Variants in RNF150 observed in about 807,000 individuals in gnomAD.
RNF150 encodes ring finger protein 150.
Under a neutral mutation model 39.3 loss-of-function variants are expected in RNF150, and 24 were observed. The observed-to-expected ratio is 0.61, with a 90% CI of 0.44 to 0.86. The LOEUF is 0.86. RNF150 is among the 40% of genes least tolerant of loss of function. The pLI is 0.00. For synonymous variants in RNF150, 255 were observed against 227.3 expected (o/e 1.12, Z -1.10); for missense variants, 502 against 587.8 (o/e 0.85, Z 1.51).
intron 1 of RNF150, among the ~76,000 whole-genome samples, chr4:141,114,778 CA>C (rs1739494947): frequency 6.6e-6 from 1 of 152,174 alleles, no homozygotes; most frequent in African/African-American, 2.4e-5. Context: ...AGCAGGACAT[CA>C]AAAAGCTTAC....
chr4:141,178,072 T>A (rs573420034), intron 1 of RNF150, among the ~76,000 whole-genome samples: 4 of 152,172 alleles, frequency 2.6e-5, no homozygotes, highest in Non-Finnish European at 4.4e-5. Context: ...AATCTCTAGA[T>A]TTCATTAAAC....
intron 1 of RNF150, among the ~76,000 whole-genome samples, chr4:141,166,236 C>T (rs1360151155): frequency 6.6e-6 from 1 of 152,164 alleles, no homozygotes; most frequent in African/African-American, 2.4e-5. Context: ...TACACCCTCT[C>T]AAGACTAAAC....
intron 6 of RNF150, 105 bp downstream of exon 6, chr4:140,911,039 G>T: frequency 1.2e-6 from 1 of 857,942 alleles, no homozygotes; most frequent in Non-Finnish European, 1.9e-6. Flanking sequence ...TAGCAATGAT[G>T]TACTCATTCA....
chr4:141,005,938 G>A lies in RNF150; in HGVS notation c.485-38065C>T, dbSNP rs370693150. On this transcript the variant is annotated intron_variant, in intron 1 of 6. Coordinates refer to ENST00000515673, the MANE Select transcript of RNF150 (RefSeq NM_020724.2). ...AAAAAAATTAGCCGGGCGTAGTGGCGGGCGCCTGTAGTCCCAGCTACTTGG... is the reference window on the plus strand; with the variant it reads ...AAAAAAATTAGCCGGGCGTAGTGGCAGGCGCCTGTAGTCCCAGCTACTTGG... Among the ~76,000 whole-genome samples, 8 of 146,132 alleles carry A rather than the reference G, an allele frequency of 5.5e-5. No homozygotes were observed. The East Asian group carries it at 9.8e-4, about 18-fold the overall frequency.
At chr4:140,880,564 G>T (rs1351609006) in intron 6 of RNF150, among the ~76,000 whole-genome samples, 8 of 150,626 alleles carry the variant, frequency 5.3e-5, no homozygotes, top group African/African-American at 2.0e-4. Flanking sequence ...TTTTTTGGAA[G>T]AGTTTGAGAA....
chr4:140,970,885 G>A (rs962652044), intron 1 of RNF150, among the ~76,000 whole-genome samples: 6 of 151,902 alleles, frequency 3.9e-5, no homozygotes, highest in Admixed American at 3.9e-4. Flanking sequence ...AGTTCATCAT[G>A]GTAAAAACAG....
intron 1 of RNF150, among the ~76,000 whole-genome samples, chr4:140,988,721 C>G (rs1283355018): frequency 1.3e-5 from 2 of 150,236 alleles, no homozygotes; most frequent in Non-Finnish European, 2.9e-5. Context: ...TATTGCAGCA[C>G]TACTCACTAT....
intron 5 of RNF150, among the ~76,000 whole-genome samples, chr4:140,918,081 A>G (rs1192312213): frequency 2.0e-5 from 3 of 152,160 alleles, no homozygotes; most frequent in African/African-American, 7.2e-5. Flanking sequence ...TGCCCACAAG[A>G]GAAAGCAGGC....
rs1403413692 is a variant in RNF150, at chr4:140,863,474, G to C, written c.*4787C>G. The C allele has an allele frequency of 6.6e-6, 1 of 151,994 alleles. No homozygotes were observed. Among genetic ancestry groups the C allele is most frequent in the Non-Finnish European group, 1.5e-5 (1 of 67,996 alleles). 9.4% of individuals were successfully genotyped at this position (151,994 alleles called of 1,614,324 possible). A position where few individuals can be genotyped will look rare whatever the true frequency, so the allele number is the denominator to read the frequency against. Reference sequence around the variant, plus strand: ...TGGATATTGCTACACAATAAAAAGAGGAAAAACACCAACAACAGTAACAAT... The same window carrying C: ...TGGATATTGCTACACAATAAAAAGACGAAAAACACCAACAACAGTAACAAT... On this transcript the variant is annotated 3_prime_UTR_variant, in exon 7 of 7. Transcript: ENST00000515673.
chr4:141,035,236 T>C (rs918774269), intron 1 of RNF150, among the ~76,000 whole-genome samples: 1 of 152,174 alleles, frequency 6.6e-6, no homozygotes, highest in African/African-American at 2.4e-5. Context: ...GGTTGTTCCT[T>C]CTGGGTCTGA....
chr4:140,923,655 T>C (rs1560969647), intron 5 of RNF150, among the ~76,000 whole-genome samples: 3 of 152,196 alleles, frequency 2.0e-5, no homozygotes, highest in Non-Finnish European at 2.9e-5. Context: ...CATGCTGTTA[T>C]AAAGACACAT....
intron 4 of RNF150, among the ~76,000 whole-genome samples, chr4:140,935,036 T>TATATATA (rs1731794220): frequency 3.7e-4 from 2 of 5,378 alleles, no homozygotes; most frequent in Non-Finnish European, 9.8e-4. Flanking sequence ...ATTTATAATA[T>TATATATA]ATATATATAA....
chr4:141,092,821 T>C (rs1738637113), intron 1 of RNF150, among the ~76,000 whole-genome samples: 1 of 151,474 alleles, frequency 6.6e-6, no homozygotes, highest in African/African-American at 2.4e-5. Context: ...GGCTTATCCA[T>C]TCCTATACTA....
intron 1 of RNF150, among the ~76,000 whole-genome samples, chr4:141,139,088 G>T (rs1290540658): frequency 1.3e-5 from 2 of 152,080 alleles, no homozygotes; most frequent in Non-Finnish European, 2.9e-5. Context: ...TGGCACAAGT[G>T]CCTGTAGTCC....
chr4:140,936,404 C>T (rs1010538110), intron 4 of RNF150, among the ~76,000 whole-genome samples: 15 of 152,132 alleles, frequency 9.9e-5, no homozygotes, highest in African/African-American at 3.6e-4. Flanking sequence ...TACTACACTG[C>T]ATAACTTTTA....
At chr4:141,005,595 C>T (rs1734834765) in intron 1 of RNF150, among the ~76,000 whole-genome samples, 1 of 151,984 alleles carries the variant, frequency 6.6e-6, no homozygotes, top group Non-Finnish European at 1.5e-5. Flanking sequence ...CTATGCACTG[C>T]ACAAGTACTT....
At chr4:141,134,344 C>T (rs1325656724), upstream of RNF150, among the ~76,000 whole-genome samples, 3 of 152,188 alleles carry the variant, frequency 2.0e-5, no homozygotes, top group East Asian at 5.8e-4. Context: ...TATCCTTTCC[C>T]TTGGCTTGAG....
At chr4:141,027,938 T>TGG (rs1265652928) in intron 1 of RNF150, among the ~76,000 whole-genome samples, 48 of 130,828 alleles carry the variant, frequency 3.7e-4, no homozygotes, top group African/African-American at 1.3e-3. Flanking sequence ...TTTTTTTTTT[T>TGG]TTTTTTTTTT....
chr4:141,030,143 A>T (rs891294382), intron 1 of RNF150, among the ~76,000 whole-genome samples: 1 of 151,966 alleles, frequency 6.6e-6, no homozygotes, highest in Admixed American at 6.6e-5. Flanking sequence ...GCAGTGAGCC[A>T]AGATCACGCC....
Sources: allele counts gnomAD v4.1 joint callset (sites outside exome capture counted in the v4.1 genomes callset), GRCh38; gene constraint gnomAD v4.1.1; transcripts MANE v1.5; gene names NCBI Gene and HGNC (gene_info 2026-07-23, HGNC 2026-07-21).